The following CIMAP1D variants were observed in gnomAD, a reference collection of about 807,000 sequenced individuals.
CIMAP1D encodes protein CIMAP1D.
chr19:465,915 GAT>G, the CIMAP1D span, among the ~76,000 whole-genome samples: 1 of 145,472 alleles, frequency 6.9e-6, no homozygotes, highest in African/African-American at 2.6e-5. Flanking sequence ...TGGATAGATG[GAT>G]GAGTGGATGG....
chr19:466,163 G>A, the CIMAP1D span, among the ~76,000 whole-genome samples: 1,750 of 136,704 alleles, frequency 0.013, 35 homozygotes, highest in African/African-American at 0.047. Flanking sequence ...GTGGATACAT[G>A]GTTAGGTAGA....
At chr19:484,430 C>T in the CIMAP1D span, among the ~76,000 whole-genome samples, 17 of 152,302 alleles carry the variant, frequency 1.1e-4, no homozygotes, top group South Asian at 4.1e-4. Flanking sequence ...CATGAGCCAC[C>T]GCGCCTGGCC....
chr19:480,024 G>T, the CIMAP1D span, among the ~76,000 whole-genome samples: 1 of 152,240 alleles, frequency 6.6e-6, no homozygotes, highest in Non-Finnish European at 1.5e-5. Context: ...CCACAGGGTG[G>T]TTGGTGGTGT....
the CIMAP1D span, among the ~76,000 whole-genome samples, chr19:478,375 C>CAGTTG: frequency 3.3e-5 from 5 of 152,286 alleles, no homozygotes; most frequent in African/African-American, 1.2e-4. Context: ...GACTCGGCCC[C>CAGTTG]ACCTGCCTCC....
the CIMAP1D span, chr19:489,696 C>T: frequency 4.0e-5 from 10 of 248,220 alleles, no homozygotes; most frequent in Non-Finnish European, 3.8e-5. Context: ...GCCCCAGATG[C>T]CACGTTAGGG....
the CIMAP1D span, chr19:464,129 CGGGGGGCGGGCGGGG>C: frequency 2.3e-6 from 2 of 881,192 alleles, no homozygotes; most frequent in Non-Finnish European, 1.3e-6. Flanking sequence ...CAGGATCCTG[CGGGGGGCGGGCGGGG>C]GGGGTGCGGC....
chr19:479,014 C>T, the CIMAP1D span, among the ~76,000 whole-genome samples: 1 of 152,206 alleles, frequency 6.6e-6, no homozygotes, highest in South Asian at 2.1e-4. Context: ...GAGGGCACGT[C>T]GCGCTATGGA....
chr19:474,762 G>A, the CIMAP1D span: 3 of 1,496,424 alleles, frequency 2.0e-6, no homozygotes, highest in Non-Finnish European at 2.7e-6. Context: ...GGCAGGCGAT[G>A]GCCCCCACAG....
chr19:478,829 G>A, the CIMAP1D span, among the ~76,000 whole-genome samples: 34 of 152,364 alleles, frequency 2.2e-4, no homozygotes, highest in African/African-American at 6.0e-4. Flanking sequence ...AGGTGACTCC[G>A]TTGGTGCTCC....
At chr19:484,019 A>G in the CIMAP1D span, among the ~76,000 whole-genome samples, 1 of 152,154 alleles carries the variant, frequency 6.6e-6, no homozygotes, top group Non-Finnish European at 1.5e-5. Context: ...GTTCCATCCC[A>G]TGAAGATGCC....
At chr19:471,019 A>T in the CIMAP1D span, among the ~76,000 whole-genome samples, 1 of 152,272 alleles carries the variant, frequency 6.6e-6, no homozygotes, top group Non-Finnish European at 1.5e-5. Context: ...GAGACGGGCC[A>T]GGCCCGGGGA....
the CIMAP1D span, among the ~76,000 whole-genome samples, chr19:470,670 G>A: frequency 6.6e-6 from 1 of 152,094 alleles, no homozygotes; most frequent in African/African-American, 2.4e-5. Context: ...TCCTCCAGCC[G>A]CCCCTCCCAG....
the CIMAP1D span, chr19:472,519 C>A: frequency 6.6e-7 from 1 of 1,514,712 alleles, no homozygotes; most frequent in Non-Finnish European, 8.9e-7. Context: ...CCAAAGCCCT[C>A]AGGTCACCTC....
the CIMAP1D span, chr19:467,532 C>T: frequency 1.1e-5 from 9 of 785,820 alleles, no homozygotes; most frequent in Non-Finnish European, 2.0e-5. Context: ...TTGATCACTC[C>T]AAAGACTCTG....
the CIMAP1D span, among the ~76,000 whole-genome samples, chr19:485,736 GCTC>G: frequency 6.6e-6 from 1 of 152,224 alleles, no homozygotes; most frequent in African/African-American, 2.4e-5. Context: ...CTGGGAGGCA[GCTC>G]CCAGGAGGCC....
chr19:477,731 C>T, the CIMAP1D span, among the ~76,000 whole-genome samples: 1 of 152,214 alleles, frequency 6.6e-6, no homozygotes, highest in African/African-American at 2.4e-5. Flanking sequence ...GGCACGATCT[C>T]GGCTCACTGC....
At chr19:468,562 G>A in the CIMAP1D span, among the ~76,000 whole-genome samples, 1 of 152,156 alleles carries the variant, frequency 6.6e-6, no homozygotes, top group Non-Finnish European at 1.5e-5. Flanking sequence ...TCAGCATGTT[G>A]AGAAAATCAA....
chr19:478,183 C>G, the CIMAP1D span, among the ~76,000 whole-genome samples: 2 of 152,226 alleles, frequency 1.3e-5, no homozygotes, highest in Non-Finnish European at 2.9e-5. Flanking sequence ...ACCAAAGCTG[C>G]TCCTTCACCA....
chr19:472,631 C>T, the CIMAP1D span: 1 of 558,344 alleles, frequency 1.8e-6, no homozygotes, highest in Non-Finnish European at 3.1e-6. Context: ...CCCCGGGGAG[C>T]AAGAGGCTGC....
Sources: gnomAD v4.1 joint callset for allele counts (sites outside exome capture counted in the v4.1 genomes callset) on GRCh38, gnomAD v4.1.1 for gene constraint, MANE v1.5 for transcripts, NCBI Gene and HGNC (gene_info 2026-07-23, HGNC 2026-07-21) for gene names.